POU6F2: variants seen among roughly 807,000 people sequenced by gnomAD.
POU6F2 encodes the protein POU class 6 homeobox 2.
A neutral mutation model predicts 71.3 loss-of-function variants in POU6F2; 31 were observed. The ratio of observed to expected loss-of-function variants is 0.43; its 90% confidence interval spans 0.33 to 0.59. POU6F2 has a LOEUF of 0.59. Among genes scored for constraint, POU6F2 ranks in the 20% least tolerant of loss-of-function variants. The pLI is 0.04. For synonymous variants in POU6F2, 347 were observed against 355.7 expected, an observed-to-expected ratio of 0.98 and a Z score of 0.27; for missense variants, 783 against 856.8, an observed-to-expected ratio of 0.91 and a Z score of 1.07.
rs1175100268 is a variant in POU6F2 at position 39,035,580 on chromosome 7, T to C, written c.106-50280T>C. Among the ~76,000 whole-genome samples, 6 of 152,158 alleles carry C rather than the reference T, an allele frequency of 3.9e-5. No homozygotes were observed. The East Asian group carries it at 1.2e-3, about 29-fold the overall frequency. ...CTTAGGGTAAAACTTCACTTCTTCCTGCGAATCAGGTTTCTAACCTACGGG... is the reference window on the plus strand; with the variant it reads ...CTTAGGGTAAAACTTCACTTCTTCCCGCGAATCAGGTTTCTAACCTACGGG... On this transcript the variant is annotated intron_variant, in intron 1 of 9. Transcript: ENST00000518318.
chr7:39,135,146 A>G (rs1045260303), intron 2 of POU6F2, among the ~76,000 whole-genome samples: 4 of 152,244 alleles, frequency 2.6e-5, no homozygotes, highest in Admixed American at 6.5e-5. Flanking sequence ...GAACAAAAAT[A>G]TATGCCAAGA....
chr7:39,025,175 A>G (rs1406541433), intron 1 of POU6F2, among the ~76,000 whole-genome samples: 2 of 152,118 alleles, frequency 1.3e-5, no homozygotes, highest in Non-Finnish European at 2.9e-5. Context: ...TATTGCTGCA[A>G]TTTCAGATCC....
At chr7:39,216,075 A>C (rs1351747442) in intron 4 of POU6F2, among the ~76,000 whole-genome samples, 1 of 152,166 alleles carries the variant, frequency 6.6e-6, no homozygotes, top group Admixed American at 6.5e-5. Flanking sequence ...ACTTCCACTC[A>C]CACGCTGTTG....
At chr7:39,230,951 C>G (rs1365088011) in intron 4 of POU6F2, among the ~76,000 whole-genome samples, 1 of 152,112 alleles carries the variant, frequency 6.6e-6, no homozygotes, top group East Asian at 1.9e-4. Flanking sequence ...CCCCTACTCC[C>G]CCAGGGTCAC....
At chr7:39,292,212 TA>T (rs1784772310) in intron 4 of POU6F2, among the ~76,000 whole-genome samples, 1 of 152,212 alleles carries the variant, frequency 6.6e-6, no homozygotes, top group Non-Finnish European at 1.5e-5. Flanking sequence ...GTGAAACCTA[TA>T]AGAGTGGGGG....
chr7:39,181,834 T>C (rs1793440968), intron 2 of POU6F2, among the ~76,000 whole-genome samples: 1 of 152,174 alleles, frequency 6.6e-6, no homozygotes. Flanking sequence ...TCTCTTCTCT[T>C]CCAGCCCCAA....
intron 6 of POU6F2, among the ~76,000 whole-genome samples, chr7:39,424,146 T>C (rs544579163): frequency 6.6e-6 from 1 of 152,322 alleles, no homozygotes; most frequent in Admixed American, 6.5e-5. Context: ...CTCTTTTATA[T>C]GGACACTAAT....
chr7:39,293,345 G>A (rs898369987), intron 4 of POU6F2, among the ~76,000 whole-genome samples: 1 of 152,218 alleles, frequency 6.6e-6, no homozygotes, highest in Non-Finnish European at 1.5e-5. Context: ...AATGGAGGAA[G>A]TGAGGTCAGT....
At chr7:39,292,435 T>A (rs1784777237) in intron 4 of POU6F2, among the ~76,000 whole-genome samples, 1 of 152,212 alleles carries the variant, frequency 6.6e-6, no homozygotes, top group Non-Finnish European at 1.5e-5. Flanking sequence ...AAGGCACCAA[T>A]GCAAGCACTA....
At chr7:39,286,794 G>A (rs183244357) in intron 4 of POU6F2, among the ~76,000 whole-genome samples, 2 of 152,078 alleles carry the variant, frequency 1.3e-5, no homozygotes, top group East Asian at 1.9e-4. Flanking sequence ...ACAGGGTCTC[G>A]CTCTGTCTCC....
intron 2 of POU6F2, among the ~76,000 whole-genome samples, chr7:39,194,931 C>T (rs1420909661): frequency 1.3e-5 from 2 of 152,040 alleles, no homozygotes; most frequent in Admixed American, 6.6e-5. Flanking sequence ...CAAGAACCCA[C>T]CAGAAGGAGA....
At chr7:39,178,738 TA>T (rs1188373192) in intron 2 of POU6F2, among the ~76,000 whole-genome samples, 1 of 152,134 alleles carries the variant, frequency 6.6e-6, no homozygotes, top group East Asian at 1.9e-4. Context: ...GGTGGCCTCA[TA>T]AAAAACAGGA....
chr7:39,153,987 T>C (rs1189823499), intron 2 of POU6F2, among the ~76,000 whole-genome samples: 1 of 152,172 alleles, frequency 6.6e-6, no homozygotes, highest in Admixed American at 6.5e-5. Flanking sequence ...TAAACATCAA[T>C]AGTAACTGTT....
At chr7:38,995,581 A>T (rs1394598442) in intron 1 of POU6F2, among the ~76,000 whole-genome samples, 4 of 152,310 alleles carry the variant, frequency 2.6e-5, no homozygotes, top group Non-Finnish European at 5.9e-5. Context: ...GTAGAATTAT[A>T]AGGTCCCAAT....
intron 1 of POU6F2, among the ~76,000 whole-genome samples, chr7:39,006,198 T>G (rs1345538917): frequency 6.6e-6 from 1 of 152,106 alleles, no homozygotes. Flanking sequence ...GCGCGGTGGC[T>G]CACACCTGTA....
At position 39,436,992 on chromosome 7, in the gene POU6F2, A is replaced by G. The variant is rs181668304; in HGVS notation, c.1320+3709A>G. ...TGAAGCCGACTTGATCGTGGTGGAT[A>G]AGTTTTGATCTGCTGCTGGATTTGG... On this transcript the variant is annotated intron_variant, in intron 7 of 9. Transcript: ENST00000518318. 3.3e-5 allele frequency among the ~76,000 whole-genome samples: 5 copies of G among 152,232 alleles called. No homozygotes were observed. The East Asian group carries it at 5.8e-4, about 18-fold the overall frequency.
chr7:38,997,247 A>G (rs60707276), intron 1 of POU6F2, among the ~76,000 whole-genome samples: 1,583 of 152,228 alleles, frequency 0.01, 28 homozygotes, highest in African/African-American at 0.036. Flanking sequence ...ACATGAGGTC[A>G]TGCAAAGCCC....
intron 4 of POU6F2, among the ~76,000 whole-genome samples, chr7:39,208,181 A>G (rs990614514): frequency 7.2e-5 from 11 of 152,206 alleles, no homozygotes; most frequent in East Asian, 1.9e-4. Context: ...CCTTTATACT[A>G]CAGGGACATA....
At chr7:39,352,941 C>T (rs1786167325) in intron 5 of POU6F2, among the ~76,000 whole-genome samples, 1 of 151,212 alleles carries the variant, frequency 6.6e-6, no homozygotes. Context: ...TCTCATGTTC[C>T]CCCCATCTTT....
Sources: gnomAD v4.1 joint callset for allele counts (sites outside exome capture counted in the v4.1 genomes callset) on GRCh38, gnomAD v4.1.1 for gene constraint, MANE v1.5 for transcripts, NCBI Gene and HGNC (gene_info 2026-07-23, HGNC 2026-07-21) for gene names.